MAP4K3: variants seen among roughly 807,000 people sequenced by gnomAD.
The protein encoded by MAP4K3 is mitogen-activated protein kinase kinase kinase kinase 3.
In MAP4K3, 94 loss-of-function variants were observed where a neutral mutation model predicts 143.5. The observed-to-expected ratio is 0.65, with a 90% CI of 0.55 to 0.78. The LOEUF (loss-of-function observed/expected upper bound fraction) is 0.78, where lower values mean the gene tolerates loss of function less well. Among genes scored for constraint, MAP4K3 ranks in the 30% least tolerant of loss-of-function variants. MAP4K3 has a pLI of 0.00. For missense variants in MAP4K3, 1,077 were observed against 1,068.1 expected (o/e 1.01, Z -0.12); for synonymous variants, 416 against 347.2 (o/e 1.20, Z -2.20).
At chr2:39,400,378 T>C (rs1484454132) in intron 1 of MAP4K3, among the ~76,000 whole-genome samples, 1 of 152,230 alleles carries the variant, frequency 6.6e-6, no homozygotes, top group Non-Finnish European at 1.5e-5. Context: ...ACTGCTAAAT[T>C]AGTAGGTATG....
chr2:39,415,980 A>AAAT (rs1553318573), intron 1 of MAP4K3, among the ~76,000 whole-genome samples: 6 of 14,758 alleles, frequency 4.1e-4, no homozygotes, highest in Admixed American at 7.2e-4. Flanking sequence ...AAAAAAAAAA[A>AAAT]ATATATATAT....
chr2:39,286,310 G>A (rs1015138705), intron 21 of MAP4K3, among the ~76,000 whole-genome samples: 9 of 152,292 alleles, frequency 5.9e-5, no homozygotes, highest in African/African-American at 2.2e-4. Context: ...GAGCTCAGGC[G>A]GTAATGCTCA....
At position 39,336,471 on chromosome 2, in the gene MAP4K3, C is replaced by CAAAAAAAAAAAAAAAAAAAA. The variant is rs55780656; in HGVS notation, c.414+429_414+448dup. On this transcript the variant is annotated intron_variant, in intron 6 of 33. Coordinates refer to ENST00000263881, the MANE Select transcript of MAP4K3 (RefSeq NM_003618.4). ...TGGGCAACAGAGCGAGACTCCATCT[C>CAAAAAAAAAAAAAAAAAAAA]AAAAAAAAAAAAAAAAAAAAAAAAA... Among the ~76,000 whole-genome samples the CAAAAAAAAAAAAAAAAAAAA allele has an allele frequency of 7.8e-5, 3 of 38,664 alleles. 1 individual carries two copies. The highest frequency in any genetic ancestry group is 1.5e-4 in the African/African-American group (1 of 6,834). The allele number at this position is 38,664 out of a possible 152,430, so 25.4% of individuals were successfully genotyped here.
chr2:39,385,017 C>A (rs949423696), intron 1 of MAP4K3, among the ~76,000 whole-genome samples: 44 of 152,168 alleles, frequency 2.9e-4, no homozygotes, highest in Non-Finnish European at 5.7e-4. Flanking sequence ...TTAGACTCTT[C>A]TTTCACCAAG....
chr2:39,262,651 C>A (rs938029729), intron 28 of MAP4K3, among the ~76,000 whole-genome samples: 1 of 152,104 alleles, frequency 6.6e-6, no homozygotes, highest in African/African-American at 2.4e-5. Context: ...GAAGGGGATT[C>A]ATGTCTAATA....
chr2:39,436,678 G>A (rs1209102398), intron 1 of MAP4K3: 6 of 563,512 alleles, frequency 1.1e-5, no homozygotes, highest in South Asian at 6.2e-5. Flanking sequence ...ATGTCCACCG[G>A]GGGGGCTCAG....
At chr2:39,395,919 C>G (rs187095912) in intron 1 of MAP4K3, among the ~76,000 whole-genome samples, 119 of 150,986 alleles carry the variant, frequency 7.9e-4, no homozygotes, top group African/African-American at 2.8e-3. Context: ...AAGACTAGAG[C>G]TGTTAAAAAG....
chr2:39,406,248 CA>C (rs1667088969), intron 1 of MAP4K3, among the ~76,000 whole-genome samples: 1 of 151,898 alleles, frequency 6.6e-6, no homozygotes, highest in African/African-American at 2.4e-5. Context: ...AAAAAGCCTC[CA>C]AAGGACAAAT....
At chr2:39,257,415 G>A (rs569087012) in intron 31 of MAP4K3, among the ~76,000 whole-genome samples, 1 of 152,246 alleles carries the variant, frequency 6.6e-6, no homozygotes, top group Admixed American at 6.5e-5. Flanking sequence ...AACATAATCT[G>A]GTATACTGAG....
chr2:39,382,421 C>T (rs1007023794), intron 1 of MAP4K3, among the ~76,000 whole-genome samples: 30 of 152,190 alleles, frequency 2.0e-4, no homozygotes, highest in African/African-American at 7.2e-4. Flanking sequence ...GAGTTAACAA[C>T]GTTTAGTCCT....
intron 2 of MAP4K3, among the ~76,000 whole-genome samples, chr2:39,365,768 T>C (rs1665906151): frequency 1.3e-5 from 2 of 152,202 alleles, no homozygotes; most frequent in South Asian, 4.1e-4. Flanking sequence ...AAATGTCCTA[T>C]AGCCAAGAGA....
chr2:39,404,134 T>C (rs1032936429), intron 1 of MAP4K3, among the ~76,000 whole-genome samples: 3 of 151,878 alleles, frequency 2.0e-5, no homozygotes, highest in Non-Finnish European at 1.5e-5. Flanking sequence ...TGGCTTCAAG[T>C]GAAAACCAGC....
At chr2:39,420,713 G>A (rs1024561770) in intron 1 of MAP4K3, among the ~76,000 whole-genome samples, 2 of 151,914 alleles carry the variant, frequency 1.3e-5, no homozygotes, top group Non-Finnish European at 2.9e-5. Flanking sequence ...ATGCCCGGCC[G>A]CCATGAATTT....
Position 39,288,178 on chromosome 2 carries a change from G to C in MAP4K3, c.1417C>G (p.Gln473Glu), listed in dbSNP as rs1211234483. The change falls in exon 20 of 34, where the codon CAA becomes GAA. Residue 473 changes from glutamine to glutamate, a missense_variant. This residue lies in a region of MAP4K3 where 864 missense variants were observed against 801.2 expected (regional missense o/e 1.08). Coordinates refer to ENST00000263881, the MANE Select transcript of MAP4K3 (RefSeq NM_003618.4). ...PMSGSPAKPSQVPPRPPPPRL... is the reference protein window; with the variant it reads ...PMSGSPAKPSEVPPRPPPPRL... ...GGAGGTGGTGGTCTAGGTGGAACTT[G>C]GGATGGCTTTGCTGGGCTCCCTGAC... is the stretch of plus-strand genomic sequence containing the variant. 5 of 1,614,124 alleles carry C rather than the reference G, an allele frequency of 3.1e-6. No homozygotes were observed. In the Admixed American group the frequency reaches 6.7e-5, roughly 22 times the overall value.
At chr2:39,410,313 C>T (rs1017922170) in intron 1 of MAP4K3, among the ~76,000 whole-genome samples, 2 of 152,140 alleles carry the variant, frequency 1.3e-5, no homozygotes, top group African/African-American at 4.8e-5. Flanking sequence ...ATTTGGAGTT[C>T]CCTGTATTCA....
intron 2 of MAP4K3, among the ~76,000 whole-genome samples, chr2:39,376,686 G>A (rs1666227277): frequency 6.6e-6 from 1 of 152,180 alleles, no homozygotes; most frequent in Non-Finnish European, 1.5e-5. Context: ...TAATCACTCA[G>A]GAGTCATCTT....
Position 39,415,980 on chromosome 2 carries a change from A to AAAAAATATAT in MAP4K3, c.96+20911_96+20912insATATATTTTT, listed in dbSNP as rs1553318573. On this transcript the variant is annotated intron_variant, in intron 1 of 33. Coordinates refer to ENST00000263881, the MANE Select transcript of MAP4K3 (RefSeq NM_003618.4). ...AAAAAAAAAAAAAAAAAAAAAAAAA[A>AAAAAATATAT]ATATATATATATATATATATATATA... 1.2e-3 allele frequency among the ~76,000 whole-genome samples: 17 copies of AAAAAATATAT among 14,744 alleles called. 1 individual carries two copies. The highest frequency in any genetic ancestry group is 2.0e-3 in the African/African-American group (10 of 5,056). 9.7% of individuals were successfully genotyped at this position (14,744 alleles called of 152,430 possible).
intron 4 of MAP4K3, among the ~76,000 whole-genome samples, chr2:39,342,358 G>A (rs372740134): frequency 1.3e-5 from 2 of 152,162 alleles, no homozygotes; most frequent in African/African-American, 4.8e-5. Flanking sequence ...TTGAACTCCT[G>A]ACCTCAGGTG....
intron 2 of MAP4K3, among the ~76,000 whole-genome samples, chr2:39,376,868 T>C (rs1439154018): frequency 6.6e-6 from 1 of 152,222 alleles, no homozygotes; most frequent in African/African-American, 2.4e-5. Context: ...GTAGCTAATA[T>C]TTCAACAACT....
Sources: gnomAD v4.1 joint callset for allele counts (sites outside exome capture counted in the v4.1 genomes callset) on GRCh38, gnomAD v4.1.1 for gene constraint, gnomAD v4.1.1 regional missense constraint, MANE v1.5 for transcripts, NCBI Gene and HGNC (gene_info 2026-07-23, HGNC 2026-07-21) for gene names.